Variants in CCDC149 observed in about 807,000 individuals in gnomAD.
CCDC149 encodes coiled-coil domain-containing protein 149.
CCDC149 carries 45 observed loss-of-function variants against 59.9 expected under a neutral mutation model. That is an observed-to-expected ratio of 0.75 (90% CI 0.59 to 0.96). The LOEUF (loss-of-function observed/expected upper bound fraction) is 0.96, where lower values mean the gene tolerates loss of function less well. CCDC149 is among the 40% of genes least tolerant of loss of function. The pLI is 0.00. For synonymous variants in CCDC149, 245 were observed against 260.6 expected, an observed-to-expected ratio of 0.94 and a Z score of 0.58; for missense variants, 584 against 664.7, an observed-to-expected ratio of 0.88 and a Z score of 1.33.
chr4:24,974,775 A>G lies in CCDC149; in HGVS notation c.-65+5294T>C, dbSNP rs532981063. 2.6e-5 allele frequency among the ~76,000 whole-genome samples: 4 copies of G among 152,276 alleles called. No individual in the cohort carries two copies. The South Asian group carries it at 8.3e-4, about 32-fold the overall frequency. Reference sequence around the variant, plus strand: ...GGACTCAGGGTCTCCCTGATTCTGAAGATCTCCATTTCAGCCACCCCATCC... The same window carrying G: ...GGACTCAGGGTCTCCCTGATTCTGAGGATCTCCATTTCAGCCACCCCATCC... On this transcript the variant is annotated intron_variant, in intron 1 of 12. Transcript: ENST00000389609.
intron 1 of CCDC149, among the ~76,000 whole-genome samples, chr4:24,888,915 CTT>C (rs111370422): frequency 1.0e-4 from 15 of 147,524 alleles, no homozygotes; most frequent in South Asian, 4.3e-4. Context: ...TCTAAGATGA[CTT>C]TTTTTTTTTT....
intron 1 of CCDC149, among the ~76,000 whole-genome samples, chr4:24,929,063 T>C (rs911869753): frequency 1.2e-4 from 19 of 152,314 alleles, no homozygotes; most frequent in Admixed American, 1.2e-3. Context: ...CTGGTTCTTT[T>C]ATGAAAGGCC....
At chr4:24,817,667 GCTCAGCTCAGCAAGGCTCCCTC>G (rs1715103245) in intron 12 of CCDC149, among the ~76,000 whole-genome samples, 1 of 149,512 alleles carries the variant, frequency 6.7e-6, no homozygotes, top group African/African-American at 2.4e-5. Context: ...GCTAATCTAA[GCTCAGCTCAGCAAGGCTCCCTC>G]ATCCGTATGC....
chr4:24,935,412 C>T (rs1052897356), intron 1 of CCDC149, among the ~76,000 whole-genome samples: 18 of 152,202 alleles, frequency 1.2e-4, no homozygotes, highest in African/African-American at 3.1e-4. Context: ...GATTTTAGTT[C>T]GGCAGTATAC....
intron 4 of CCDC149, among the ~76,000 whole-genome samples, chr4:24,847,081 T>C (rs938544288): frequency 1.3e-5 from 2 of 152,148 alleles, no homozygotes; most frequent in Non-Finnish European, 1.5e-5. Flanking sequence ...AGGCTGGTGA[T>C]CAGGAGGGCT....
intron 1 of CCDC149, among the ~76,000 whole-genome samples, chr4:24,903,241 C>CT (rs1259298794): frequency 6.6e-6 from 1 of 152,002 alleles, no homozygotes; most frequent in Admixed American, 6.6e-5. Context: ...TCAGGGCCTG[C>CT]TCCTGAAGAT....
At chr4:24,919,482 G>A (rs1349153069) in intron 1 of CCDC149, among the ~76,000 whole-genome samples, 4 of 152,152 alleles carry the variant, frequency 2.6e-5, no homozygotes, top group African/African-American at 9.7e-5. Flanking sequence ...ATATTTTACT[G>A]TTAAACAACA....
chr4:24,858,038 A>G (rs1198151796), intron 3 of CCDC149, among the ~76,000 whole-genome samples: 1 of 151,844 alleles, frequency 6.6e-6, no homozygotes, highest in African/African-American at 2.4e-5. Context: ...CAAAAAAAAA[A>G]GAAAGTAGTA....
intron 1 of CCDC149, among the ~76,000 whole-genome samples, chr4:24,937,480 T>C (rs1265898472): frequency 6.6e-6 from 1 of 152,236 alleles, no homozygotes; most frequent in Non-Finnish European, 1.5e-5. Context: ...TAGGTTATGC[T>C]GCAGTGACAT....
intron 1 of CCDC149, among the ~76,000 whole-genome samples, chr4:24,931,829 G>GTATATATATGTATGTATA (rs60585956): frequency 1.3e-5 from 1 of 76,908 alleles, no homozygotes; most frequent in Admixed American, 1.3e-4. Flanking sequence ...TGGAGAGTAT[G>GTATATATATGTATGTATA]TATATATATA....
In CCDC149 at chr4:24,811,742, G is replaced by A. The variant is rs149622704; in HGVS notation, c.1193-2923C>T. 4.1e-3 allele frequency among the ~76,000 whole-genome samples: 630 copies of A among 152,168 alleles called. 4 individuals are homozygous for A. Among genetic ancestry groups the A allele is most frequent in the African/African-American group, 0.012 (495 of 41,512 alleles). On this transcript the variant is annotated intron_variant, in intron 12 of 12. Transcript: ENST00000635206. ...ACAAAAATTAGCCAAGTGTGGTAGCGCGTGCCTGTAATCCCAGCTACTCAG... is the reference window on the plus strand; with the variant it reads ...ACAAAAATTAGCCAAGTGTGGTAGCACGTGCCTGTAATCCCAGCTACTCAG...
chr4:24,891,211 G>T (rs61793770), intron 1 of CCDC149, among the ~76,000 whole-genome samples: 23,714 of 145,262 alleles, frequency 0.16, 1,946 homozygotes, highest in South Asian at 0.27. Context: ...CCAGCAAAAA[G>T]TCAGGCGGAG....
chr4:24,860,481 C>T (rs1323767153), intron 3 of CCDC149, among the ~76,000 whole-genome samples: 1 of 152,096 alleles, frequency 6.6e-6, no homozygotes, highest in African/African-American at 2.4e-5. Flanking sequence ...GACCTGAAAC[C>T]ACAAAAATTC....
chr4:24,853,847 AGG>A lies in CCDC149; in HGVS notation c.265-670_265-669del, dbSNP rs545736460. On this transcript the variant is annotated intron_variant, in intron 3 of 12. Coordinates refer to ENST00000635206, the MANE Select transcript of CCDC149 (RefSeq NM_001330643.2). ...GTGACGAGCAACAATCTCTGAAATC[AGG>A]ATCCAGAAGAAATGCAACAGTTTCC... 1.0e-3 allele frequency among the ~76,000 whole-genome samples: 159 copies of A among 152,320 alleles called. 1 individual carries two copies. Among genetic ancestry groups the A allele is most frequent in the African/African-American group, 3.7e-3 (154 of 41,566 alleles).
intron 1 of CCDC149, among the ~76,000 whole-genome samples, chr4:24,929,797 T>C (rs1206671047): frequency 6.6e-6 from 1 of 152,190 alleles, no homozygotes; most frequent in Non-Finnish European, 1.5e-5. Flanking sequence ...TTGGGAGCTC[T>C]TGTCATTTTC....
At chr4:24,967,226 C>T (rs1231212594) in intron 1 of CCDC149, among the ~76,000 whole-genome samples, 1 of 152,140 alleles carries the variant, frequency 6.6e-6, no homozygotes, top group Admixed American at 6.6e-5. Flanking sequence ...GCCTCAGGTC[C>T]TGCCACAACC....
intron 1 of CCDC149, among the ~76,000 whole-genome samples, chr4:24,895,968 A>G (rs1398003712): frequency 6.6e-6 from 1 of 152,236 alleles, no homozygotes; most frequent in Non-Finnish European, 1.5e-5. Context: ...GGTTAGCAGA[A>G]GCAGAGATGA....
At chr4:24,826,555 C>A (rs1715756273) in intron 9 of CCDC149, among the ~76,000 whole-genome samples, 1 of 152,066 alleles carries the variant, frequency 6.6e-6, no homozygotes, top group African/African-American at 2.4e-5. Context: ...GGGAGCAGAG[C>A]CAGCAGCTCA....
chr4:24,857,454 A>G (rs762920872), intron 3 of CCDC149, among the ~76,000 whole-genome samples: 3 of 152,236 alleles, frequency 2.0e-5, no homozygotes, highest in Admixed American at 6.5e-5. Flanking sequence ...TTCTGTATGT[A>G]TCTTGTCATG....
Sources: allele counts gnomAD v4.1 joint callset (sites outside exome capture counted in the v4.1 genomes callset), GRCh38; gene constraint gnomAD v4.1.1; transcripts MANE v1.5; gene names NCBI Gene and HGNC (gene_info 2026-07-23, HGNC 2026-07-21).